Variants in MYBPC3 observed in about 807,000 individuals in gnomAD.
The protein encoded by MYBPC3 is myosin binding protein C3.
MYBPC3 carries 108 observed loss-of-function variants against 159.3 expected under a neutral mutation model. The observed-to-expected ratio is 0.68, with a 90% CI of 0.58 to 0.80. MYBPC3 has a LOEUF of 0.80. Among genes scored for constraint, MYBPC3 ranks in the 30% least tolerant of loss-of-function variants. The probability of loss-of-function intolerance (pLI) is 0.00; values close to 1 mark genes in which losing one functional copy is unlikely to be tolerated. For missense variants in MYBPC3, 1,631 were observed against 1,762.1 expected (o/e 0.93, Z 1.33); for synonymous variants, 730 against 702.0 (o/e 1.04, Z -0.63).
rs749310275 is a variant in MYBPC3 at position 47,342,930 on chromosome 11, G to T, written c.1357C>A (p.Pro453Thr). The T allele has an allele frequency of 6.2e-7, 1 of 1,611,516 alleles. No homozygotes were observed. The highest frequency in any genetic ancestry group is 8.5e-7 in the Non-Finnish European group (1 of 1,178,858). ...CSTELFVKEP[P>T]VLITRPLEDQ... is the part of the protein sequence containing the mutation. ...TCCAAGGGGCGCGTGATGAGCACAG[G>T]GGGCTCTGTCCAGGCAGGGTGAGCA... is the stretch of plus-strand genomic sequence containing the variant. Residue 453 changes from proline (P) to threonine (T), a missense_variant, in exon 16 of 35, where the codon CCT (proline) becomes ACT (threonine). Pro to Thr is a conservative substitution (Grantham distance 38). Coordinates refer to ENST00000545968, the MANE Select transcript of MYBPC3 (RefSeq NM_000256.3).
chr11:47,339,585 C>A (rs995413033), intron 21 of MYBPC3, 66 bp downstream of exon 21: 32 of 1,512,598 alleles, frequency 2.1e-5, no homozygotes, highest in Admixed American at 8.2e-5. Context: ...GCAGCAGGTC[C>A]TAGCACTTGG....
intron 22 of MYBPC3, 87 bp downstream of exon 22, chr11:47,339,237 A>C (rs1180596648): frequency 6.9e-7 from 1 of 1,451,458 alleles, no homozygotes; most frequent in Non-Finnish European, 9.7e-7. Context: ...TGGCACCTCC[A>C]TGGAGACCTC....
chr11:47,343,639 T>C lies in MYBPC3; in HGVS notation c.1091-15A>G. 1 of 1,597,670 alleles carries C rather than the reference T, an allele frequency of 6.3e-7. No homozygotes were observed. The highest frequency in any genetic ancestry group is 1.1e-5 in the South Asian group (1 of 89,344). On this transcript the variant is annotated splice_polypyrimidine_tract_variant and intron_variant, in intron 12 of 34. Coordinates refer to ENST00000545968, the MANE Select transcript of MYBPC3 (RefSeq NM_000256.3). ...CTTCTGAAAGGCTGAGCACCACCCC[T>C]CAGCCCCGGCCACCCCACCGCCCGC...
rs201040413 is a variant in MYBPC3, at chr11:47,337,506, C to A, written c.2487G>T (p.Leu829=). ...CGATCATGCGCCGCGCTTCATGACT[C>A]AGCTCCTGAATCAGGTCGAAGTTCA... ...MRLNFDLIQE[L]SHEARRMIEG... The change falls in exon 25 of 35, where the codon CTG becomes CTT. Residue 829 remains leucine, a synonymous_variant. Transcript: ENST00000545968. The A allele has an allele frequency of 1.3e-4, 214 of 1,613,948 alleles. No homozygotes were observed. Among genetic ancestry groups the A allele is most frequent in the Non-Finnish European group, 1.6e-4 (192 of 1,179,914 alleles).
chr11:47,332,017 C>T lies in MYBPC3; in HGVS notation c.3814+55G>A. The stretch of plus-strand genomic sequence containing the variant: ...GGACAACGGAGCAAAGCCCAGGGTC[C>T]CCACTGCCGCCCGCTCTTCCCATCT... On this transcript the variant is annotated intron_variant, in intron 33 of 34. Coordinates refer to ENST00000545968, the MANE Select transcript of MYBPC3 (RefSeq NM_000256.3). The surrounding 1 kb of genome is among the most constrained non-coding windows in gnomAD (Gnocchi z 4.2). 1 of 1,597,398 alleles carries T rather than the reference C, an allele frequency of 6.3e-7. No homozygotes were observed. Among genetic ancestry groups the T allele is most frequent in the Non-Finnish European group, 8.5e-7 (1 of 1,171,070 alleles).
rs2095884655 is a variant in MYBPC3 at position 47,338,318 on chromosome 11, G to A, written c.2308+202C>T. On this transcript the variant is annotated intron_variant, in intron 23 of 34. Coordinates refer to ENST00000545968, the MANE Select transcript of MYBPC3 (RefSeq NM_000256.3). This position sits in a 1 kb window ranked among gnomAD's most constrained non-coding sequence, Gnocchi z 4.7. The stretch of plus-strand genomic sequence containing the variant: ...CTCTGGACATGGCTCATGTACAGCA[G>A]TGTCGCAGGAAATCTGCTGGATGCA... 1.3e-5 allele frequency among the ~76,000 whole-genome samples: 2 copies of A among 152,226 alleles called. No individual in the cohort carries two copies. The highest frequency in any genetic ancestry group is 4.1e-4 in the South Asian group (2 of 4,834).
chr11:47,337,280 G>A, intron 25 of MYBPC3, 111 bp downstream of exon 25: 11 of 1,181,026 alleles, frequency 9.3e-6, no homozygotes, highest in Non-Finnish European at 1.3e-5. Context: ...GAGGATGAAA[G>A]GAGACTGTGG....
In MYBPC3 at chr11:47,351,481, C is replaced by A. The variant is rs374630007; in HGVS notation, c.50G>T (p.Arg17Leu). 2 of 1,590,636 alleles carry A rather than the reference C, an allele frequency of 1.3e-6. No individual in the cohort carries two copies. Among genetic ancestry groups the A allele is most frequent in the East Asian group, 2.3e-5 (1 of 44,190 alleles). ...GCTGCCTGCGGCCACTTCCACTGAC[C>A]GTGGCTTCTTGCTAAAAGCTGAGAC... ...KPVSAFSKKP[R>L]SVEVAAGSPA... The change falls in exon 2 of 35, where the codon CGG (arginine) becomes CTG (leucine). Residue 17 changes from arginine to leucine, a missense_variant. Arg to Leu is a moderately radical substitution (Grantham distance 102). Coordinates refer to ENST00000545968, the MANE Select transcript of MYBPC3 (RefSeq NM_000256.3). The surrounding 1 kb of genome is among the most constrained non-coding windows in gnomAD (Gnocchi z 4.2).
rs2095895403 is a variant in MYBPC3 at position 47,347,452 on chromosome 11, C to T, written c.879G>A (p.Leu293=). Residue 293 remains leucine, a synonymous_variant, in exon 9 of 35, where the codon CTG becomes CTA. Coordinates refer to ENST00000545968, the MANE Select transcript of MYBPC3 (RefSeq NM_000256.3). ...TCTTTTTCAGCAGTGAGCTGAAGTC[C>T]AGAATCCCAGTGTCCTCATGGCTAT... The part of the protein sequence containing the change: ...ISDSHEDTGI[L]DFSSLLKKRD... 6.3e-7 allele frequency: 1 copy of T among 1,594,888 alleles called. No homozygotes were observed. The highest frequency in any genetic ancestry group is 1.3e-5 in the African/African-American group (1 of 74,678).
Position 47,333,685 on chromosome 11 carries a change from A to G in MYBPC3, c.3062T>C (p.Ile1021Thr). 1 of 1,611,426 alleles carries G rather than the reference A, an allele frequency of 6.2e-7. No homozygotes were observed. ...GATGGTGTCTGTGGGGCTGTTGCGG[A>G]TGCTCACCTCCTCGCCTGCCAGGGG... The part of the protein sequence containing the change: ...GQPLAGEEVS[I>T]RNSPTDTILF... Residue 1021 changes from isoleucine (I) to threonine (T), a missense_variant, in exon 29 of 35, where the codon ATC (isoleucine) becomes ACC (threonine). Physicochemically the swap from Ile to Thr is moderately conservative, Grantham distance 89. Coordinates refer to ENST00000545968, the MANE Select transcript of MYBPC3 (RefSeq NM_000256.3).
At chr11:47,334,944 G>C in intron 27 of MYBPC3, 98 bp downstream of exon 27, 2 of 1,322,944 alleles carry the variant, frequency 1.5e-6, no homozygotes, top group Non-Finnish European at 2.0e-6. Flanking sequence ...GTTCTGGGCA[G>C]AGCATTCTGG....
At chr11:47,344,575 C>G (rs1452277621) in intron 12 of MYBPC3, among the ~76,000 whole-genome samples, 1 of 152,162 alleles carries the variant, frequency 6.6e-6, no homozygotes, top group African/African-American at 2.4e-5. Context: ...GAGAAGGACC[C>G]CTGAGTCCTC....
chr11:47,335,002 G>A (rs779353446), intron 27 of MYBPC3, 40 bp downstream of exon 27: 5 of 1,460,364 alleles, frequency 3.4e-6, no homozygotes, highest in Non-Finnish European at 4.6e-6. Flanking sequence ...GGCCTGGGGT[G>A]TCAATGGCGG....
intron 14 of MYBPC3, 24 bp downstream of exon 14, chr11:47,343,236 C>T (rs766316450): frequency 6.4e-7 from 1 of 1,572,698 alleles, no homozygotes; most frequent in South Asian, 1.2e-5. Context: ...CCCCCCACCC[C>T]AAGCCATCCA....
rs773194489 is a variant in MYBPC3 at position 47,350,139 on chromosome 11, T to C, written c.407-27A>G. 1.3e-5 allele frequency: 20 copies of C among 1,546,260 alleles called. No individual in the cohort carries two copies. The South Asian group carries it at 1.3e-4, about 10-fold the overall frequency. ...TGTGAGCAAAGGCTTTTTCTGTTTG[T>C]TTGAGATGGAGTCTTGCTCTGTCAC... is the stretch of plus-strand genomic sequence containing the variant. On this transcript the variant is annotated intron_variant, in intron 3 of 34. Coordinates refer to ENST00000545968, the MANE Select transcript of MYBPC3 (RefSeq NM_000256.3).
chr11:47,352,249 G>A (rs2095901650), intron 1 of MYBPC3, among the ~76,000 whole-genome samples: 2 of 152,208 alleles, frequency 1.3e-5, no homozygotes, highest in African/African-American at 2.4e-5. Context: ...CTGAAGGCAT[G>A]CCGTGAGCCT....
rs552665590 is a variant in MYBPC3, at chr11:47,340,539, C to T, written c.1927+464G>A. Among the ~76,000 whole-genome samples, 312 of 152,188 alleles carry T rather than the reference C, an allele frequency of 2.1e-3. 2 individuals are homozygous for T. The highest frequency in any genetic ancestry group is 6.9e-3 in the African/African-American group (286 of 41,516). On this transcript the variant is annotated intron_variant, in intron 20 of 34. Coordinates refer to ENST00000545968, the MANE Select transcript of MYBPC3 (RefSeq NM_000256.3). ...ATAATTAGCTGGGCATGGTGGCGGG[C>T]GCCTGTAGTCCCAGCTACTCAGGAG... is the stretch of plus-strand genomic sequence containing the variant.
intron 9 of MYBPC3, 68 bp from the exon 10 acceptor site, chr11:47,347,097 A>G: frequency 4.0e-6 from 4 of 995,406 alleles, no homozygotes; most frequent in East Asian, 2.4e-5. Flanking sequence ...CAGAGAGAAC[A>G]TAAGTCAGTT....
rs370338674 is a variant in MYBPC3 at position 47,332,099 on chromosome 11, G to A, written c.3787C>T (p.Arg1263Trp). 6.2e-5 allele frequency: 100 copies of A among 1,612,674 alleles called. No individual in the cohort carries two copies. In the African/African-American group the frequency reaches 9.9e-4, roughly 16 times the overall value. Residue 1263 changes from arginine to tryptophan, a missense_variant, in exon 33 of 35, where the codon CGG becomes TGG. By Grantham distance (101) the Arg-to-Trp change is moderately radical. Coordinates refer to ENST00000545968, the MANE Select transcript of MYBPC3 (RefSeq NM_000256.3). This position sits in a 1 kb window ranked among gnomAD's most constrained non-coding sequence, Gnocchi z 4.2. ...CRATNLQGEA[R>W]CECRLEVRVP... Reference sequence around the variant, plus strand: ...CGCACCTCCAGGCGGCACTCACACCGTGCCTCGCCCTGTAAGTTGGTGGCC... The same window carrying A: ...CGCACCTCCAGGCGGCACTCACACCATGCCTCGCCCTGTAAGTTGGTGGCC...
Sources: gnomAD v4.1 joint callset for allele counts (sites outside exome capture counted in the v4.1 genomes callset) on GRCh38, gnomAD v4.1.1 for gene constraint, Gnocchi (gnomAD v3.1) non-coding constraint, MANE v1.5 for transcripts, NCBI Gene and HGNC (gene_info 2026-07-23, HGNC 2026-07-21) for gene names.